Variants in DYRK1A observed in about 807,000 individuals in gnomAD.
The protein encoded by DYRK1A is dual specificity tyrosine phosphorylation regulated kinase 1A.
DYRK1A carries 9 observed loss-of-function variants against 79.7 expected under a neutral mutation model. That is an observed-to-expected ratio of 0.11 (90% confidence interval 0.07 to 0.20). DYRK1A has a LOEUF of 0.20. Among genes scored for constraint, DYRK1A ranks in the 10% least tolerant of loss-of-function variants. The probability of loss-of-function intolerance (pLI) is 1.00; values close to 1 mark genes in which losing one functional copy is unlikely to be tolerated. For missense variants in DYRK1A, 622 were observed against 956.0 expected (o/e 0.65, Z 4.61); for synonymous variants, 349 against 329.7 (o/e 1.06, Z -0.63).
chr21:37,467,219 G>A (rs1423451740), intron 2 of DYRK1A, among the ~76,000 whole-genome samples: 1 of 151,872 alleles, frequency 6.6e-6, no homozygotes, highest in South Asian at 2.1e-4. Context: ...TGACCAAATC[G>A]CATTCCAGAA....
chr21:37,461,134 C>T (rs781629100), intron 2 of DYRK1A, among the ~76,000 whole-genome samples: 3 of 152,100 alleles, frequency 2.0e-5, no homozygotes, highest in East Asian at 1.9e-4. Flanking sequence ...AAAAATGATA[C>T]GTGCTTGTTA....
At chr21:37,401,554 C>T (rs2050055156) in intron 1 of DYRK1A, among the ~76,000 whole-genome samples, 1 of 150,326 alleles carries the variant, frequency 6.7e-6, no homozygotes, top group South Asian at 2.1e-4. Context: ...ACCATCTCGG[C>T]TCACTGCAAC....
intron 6 of DYRK1A, among the ~76,000 whole-genome samples, chr21:37,489,739 C>G (rs1312631010): frequency 6.6e-6 from 1 of 152,026 alleles, no homozygotes; most frequent in African/African-American, 2.4e-5. Flanking sequence ...GGGCTGCCAA[C>G]TACAGCATTG....
At chr21:37,472,626 A>G (rs930850981) in intron 2 of DYRK1A, 58 bp from the exon 3 acceptor site, 110 of 1,383,784 alleles carry the variant, frequency 7.9e-5, no homozygotes, top group Non-Finnish European at 7.6e-5. Flanking sequence ...AGATATGTCA[A>G]ATGATACAAA....
chr21:37,410,612 C>G (rs923180476), intron 1 of DYRK1A: 1 of 152,228 alleles, frequency 6.6e-6, no homozygotes, highest in African/African-American at 2.4e-5. Flanking sequence ...ACTACAGTCT[C>G]AGATTCCTGG....
At chr21:37,452,470 A>C (rs779159937) in intron 2 of DYRK1A, among the ~76,000 whole-genome samples, 1 of 152,188 alleles carries the variant, frequency 6.6e-6, no homozygotes, top group Non-Finnish European at 1.5e-5. Context: ...ACTTGGCGCT[A>C]CTGCCTGCTC....
chr21:37,430,556 C>T lies in DYRK1A; in HGVS notation c.10+10172C>T, dbSNP rs543345174. The stretch of plus-strand genomic sequence containing the variant: ...CCAGAGTCCTCTGTCATCATTTTGC[C>T]TCTCTCCTAAGTGACAGGACTGAGT... On this transcript the variant is annotated intron_variant, in intron 2 of 11. Coordinates refer to ENST00000647188, the MANE Select transcript of DYRK1A (RefSeq NM_001347721.2). Among the ~76,000 whole-genome samples the T allele has an allele frequency of 3.9e-5, 6 of 152,328 alleles. No individual in the cohort carries two copies. The South Asian group carries it at 1.2e-3, about 32-fold the overall frequency.
chr21:37,458,299 T>TGTGTGTGC (rs2051722971), intron 2 of DYRK1A, among the ~76,000 whole-genome samples: 2 of 151,684 alleles, frequency 1.3e-5, no homozygotes, highest in Admixed American at 6.6e-5. Flanking sequence ...TGTGTGTGTG[T>TGTGTGTGC]GTGTGTGTAC....
intron 1 of DYRK1A, among the ~76,000 whole-genome samples, chr21:37,403,846 C>T (rs1336670818): frequency 1.3e-5 from 2 of 148,810 alleles, no homozygotes; most frequent in African/African-American, 5.0e-5. Flanking sequence ...GTTCTAAAGT[C>T]TGGTTGGTCA....
chr21:37,432,391 G>T (rs1297683487), intron 2 of DYRK1A, among the ~76,000 whole-genome samples: 1 of 152,138 alleles, frequency 6.6e-6, no homozygotes, highest in Admixed American at 6.5e-5. Context: ...AAGCAGGATT[G>T]CCCTTAGGTT....
intron 11 of DYRK1A, among the ~76,000 whole-genome samples, chr21:37,508,069 A>G (rs986254423): frequency 6.6e-6 from 1 of 150,750 alleles, no homozygotes; most frequent in Non-Finnish European, 1.5e-5. Context: ...ATTTGGGGGC[A>G]CTCCTCTCTC....
At chr21:37,489,811 C>T (rs771427490) in intron 6 of DYRK1A, among the ~76,000 whole-genome samples, 2 of 151,970 alleles carry the variant, frequency 1.3e-5, no homozygotes, top group Non-Finnish European at 2.9e-5. Flanking sequence ...GTAGGGCTCT[C>T]GGGAAGTAAA....
chr21:37,519,198 A>G lies in DYRK1A; in HGVS notation c.*6667A>G, dbSNP rs891498533. ...GTGGGAATGGAATTAGTTCCTTTAT[A>G]TCTCAGTCTCATCTGGTCTTGTAAG... On this transcript the variant is annotated 3_prime_UTR_variant, in exon 12 of 12. Transcript: ENST00000647188. The G allele has an allele frequency of 1.3e-5, 2 of 152,140 alleles. No homozygotes were observed. Among genetic ancestry groups the G allele is most frequent in the African/African-American group, 4.8e-5 (2 of 41,424 alleles). The allele number at this position is 152,140 out of a possible 1,614,324, so 9.4% of individuals were successfully genotyped here.
chr21:37,441,929 C>T, intron 2 of DYRK1A, among the ~76,000 whole-genome samples: 1 of 146,470 alleles, frequency 6.8e-6, no homozygotes. Context: ...ATTCTTTCAC[C>T]TTTTAGGTAT....
intron 2 of DYRK1A, among the ~76,000 whole-genome samples, chr21:37,423,007 A>G (rs987371869): frequency 9.9e-5 from 15 of 152,128 alleles, no homozygotes; most frequent in Non-Finnish European, 4.4e-5. Context: ...TTGTTAACAA[A>G]CATTTATTTG....
intron 2 of DYRK1A, among the ~76,000 whole-genome samples, chr21:37,464,443 A>G (rs1201419371): frequency 6.6e-6 from 1 of 152,234 alleles, no homozygotes; most frequent in East Asian, 1.9e-4. Flanking sequence ...TGATCCATAC[A>G]GTTCAGAAGC....
intron 10 of DYRK1A, among the ~76,000 whole-genome samples, chr21:37,505,793 G>A (rs1051374276): frequency 6.6e-6 from 1 of 152,214 alleles, no homozygotes; most frequent in Admixed American, 6.5e-5. Context: ...CTGCTTGGCA[G>A]TTGGAAATCT....
intron 8 of DYRK1A, among the ~76,000 whole-genome samples, chr21:37,494,064 G>T (rs1051542515): frequency 6.8e-5 from 10 of 148,016 alleles, no homozygotes; most frequent in African/African-American, 2.5e-4. Flanking sequence ...GCTAATATTT[G>T]GATTTTTACT....
rs1173462120 is a variant in DYRK1A at position 37,515,779 on chromosome 21, A to T, written c.*3248A>T. The T allele has an allele frequency of 2.0e-5, 3 of 151,850 alleles. No homozygotes were observed. The highest frequency in any genetic ancestry group is 7.3e-5 in the African/African-American group (3 of 41,336). 9.4% of individuals were successfully genotyped at this position (151,850 alleles called of 1,614,324 possible). On this transcript the variant is annotated 3_prime_UTR_variant, in exon 12 of 12. Transcript: ENST00000647188. ...CATGTAAGAAAGGAAAACTTCCATT[A>T]GTTTTCTTCTTAGGGTGTGAGAATT...
Sources: allele counts gnomAD v4.1 joint callset (sites outside exome capture counted in the v4.1 genomes callset), GRCh38; gene constraint gnomAD v4.1.1; transcripts MANE v1.5; gene names NCBI Gene and HGNC (gene_info 2026-07-23, HGNC 2026-07-21).